Variants in ZNF804B observed in about 807,000 individuals in gnomAD.
ZNF804B encodes zinc finger protein 804B.
In ZNF804B, 80 loss-of-function variants were observed where a neutral mutation model predicts 101.4. That is an observed-to-expected ratio of 0.79 (90% CI 0.66 to 0.95). The LOEUF is 0.95. ZNF804B is among the 40% of genes least tolerant of loss of function. The pLI is 0.00. For missense variants in ZNF804B, 1,673 were observed against 1,561.9 expected (o/e 1.07, Z -1.20); for synonymous variants, 622 against 558.8 (o/e 1.11, Z -1.59).
rs562638882 is a variant in ZNF804B, at chr7:89,143,807, A to T, written c.109-74348A>T. Among the ~76,000 whole-genome samples, 3 of 152,142 alleles carry T rather than the reference A, an allele frequency of 2.0e-5. No individual in the cohort carries two copies. The South Asian group carries it at 6.2e-4, about 31-fold the overall frequency. On this transcript the variant is annotated intron_variant, in intron 1 of 3. Transcript: ENST00000333190. The stretch of plus-strand genomic sequence containing the variant: ...TAAGTATGAGTTTATTTAGGTACAA[A>T]AATGTTTAAAATGTATGCATAGTTT...
chr7:89,254,651 ATTT>A (rs111618806), intron 2 of ZNF804B, among the ~76,000 whole-genome samples: 1 of 117,558 alleles, frequency 8.5e-6, no homozygotes, highest in African/African-American at 3.3e-5. Flanking sequence ...TATTTTTATT[ATTT>A]TTTTTTTTTG....
At chr7:89,010,151 A>T (rs938368505) in intron 1 of ZNF804B, among the ~76,000 whole-genome samples, 3 of 152,212 alleles carry the variant, frequency 2.0e-5, no homozygotes, top group Non-Finnish European at 4.4e-5. Context: ...GAATAATAAA[A>T]GATAATAATA....
rs558059769 is a variant in ZNF804B, at chr7:88,782,904, A to C, written c.108+22820A>C. On this transcript the variant is annotated intron_variant, in intron 1 of 3. Transcript: ENST00000333190. The stretch of plus-strand genomic sequence containing the variant: ...TGTGTACAAGAGGACTCTTGGGGGA[A>C]GCATCATACTTATTTCAACTTAATA... Among the ~76,000 whole-genome samples, 10 of 152,262 alleles carry C rather than the reference A, an allele frequency of 6.6e-5. No individual in the cohort carries two copies. The East Asian group carries it at 1.5e-3, about 24-fold the overall frequency.
chr7:88,929,207 A>T (rs192354402), intron 1 of ZNF804B, among the ~76,000 whole-genome samples: 1 of 152,018 alleles, frequency 6.6e-6, no homozygotes, highest in Non-Finnish European at 1.5e-5. Context: ...AAGCCTCCTA[A>T]TTAGTATTAA....
At chr7:88,859,446 A>G (rs571474168) in intron 1 of ZNF804B, among the ~76,000 whole-genome samples, 1 of 152,174 alleles carries the variant, frequency 6.6e-6, no homozygotes, top group African/African-American at 2.4e-5. Flanking sequence ...AATTCAATCT[A>G]CTTTTATGTG....
chr7:89,270,221 C>A (rs1434488895), intron 2 of ZNF804B, among the ~76,000 whole-genome samples: 1 of 152,158 alleles, frequency 6.6e-6, no homozygotes, highest in Admixed American at 6.6e-5. Flanking sequence ...AGTCTTTAAT[C>A]CATCTTGAAT....
intron 1 of ZNF804B, among the ~76,000 whole-genome samples, chr7:88,919,434 G>A (rs963784238): frequency 3.9e-5 from 6 of 152,080 alleles, no homozygotes; most frequent in African/African-American, 1.4e-4. Flanking sequence ...TGATAAAGGA[G>A]CCTATACATT....
chr7:88,917,406 G>A (rs10231731), intron 1 of ZNF804B, among the ~76,000 whole-genome samples: 10,867 of 152,206 alleles, frequency 0.071, 498 homozygotes, highest in East Asian at 0.25. Context: ...TGAAACTAAT[G>A]AAGAATATGG....
intron 1 of ZNF804B, among the ~76,000 whole-genome samples, chr7:88,980,014 A>C (rs868437172): frequency 5.3e-5 from 8 of 150,234 alleles, no homozygotes; most frequent in Non-Finnish European, 8.9e-5. Context: ...ACTCCTATGC[A>C]TTCTTTAGTA....
intron 2 of ZNF804B, among the ~76,000 whole-genome samples, chr7:89,312,758 C>G (rs1327602217): frequency 2.0e-5 from 3 of 150,790 alleles, no homozygotes; most frequent in Non-Finnish European, 4.4e-5. Context: ...ACTAGGAAGG[C>G]TGAAGAAGGA....
At chr7:88,859,082 C>G (rs1791612405) in intron 1 of ZNF804B, among the ~76,000 whole-genome samples, 1 of 151,954 alleles carries the variant, frequency 6.6e-6, no homozygotes, top group Admixed American at 6.6e-5. Context: ...GGACCTCTGT[C>G]TAATGAGCAT....
intron 1 of ZNF804B, among the ~76,000 whole-genome samples, chr7:88,947,438 T>C (rs1793152669): frequency 6.6e-6 from 1 of 151,740 alleles, no homozygotes; most frequent in African/African-American, 2.4e-5. Flanking sequence ...CACTGCATGT[T>C]CTCACTCATA....
chr7:88,929,707 A>G (rs529090166), intron 1 of ZNF804B, among the ~76,000 whole-genome samples: 140 of 152,072 alleles, frequency 9.2e-4, no homozygotes, highest in Middle Eastern at 6.8e-3. Flanking sequence ...TTTGAACAAC[A>G]ACAACAAAAA....
At chr7:89,316,911 TC>T (rs1456660743) in intron 2 of ZNF804B, among the ~76,000 whole-genome samples, 1 of 152,146 alleles carries the variant, frequency 6.6e-6, no homozygotes, top group Admixed American at 6.5e-5. Context: ...AGGAAAACCC[TC>T]CCACATTCTG....
chr7:88,826,639 TCTTTATTTTATAGC>T (rs1292343853), intron 1 of ZNF804B, among the ~76,000 whole-genome samples: 21 of 46,738 alleles, frequency 4.5e-4, no homozygotes, highest in African/African-American at 2.3e-3. Flanking sequence ...TTCCAAAGCA[TCTTTATTTTATAGC>T]AGTATTTTTA....
At chr7:88,884,031 T>A (rs952300048) in intron 1 of ZNF804B, among the ~76,000 whole-genome samples, 1 of 152,022 alleles carries the variant, frequency 6.6e-6, no homozygotes, top group Admixed American at 6.6e-5. Flanking sequence ...GAGATCCTAA[T>A]GAAGGCAGAT....
chr7:89,216,771 A>G (rs1400579437), intron 1 of ZNF804B, among the ~76,000 whole-genome samples: 1 of 152,192 alleles, frequency 6.6e-6, no homozygotes, highest in Non-Finnish European at 1.5e-5. Context: ...ATTTCTGCTT[A>G]CTTTCTTTTC....
At chr7:88,988,049 C>A (rs567567613) in intron 1 of ZNF804B, among the ~76,000 whole-genome samples, 241 of 151,692 alleles carry the variant, frequency 1.6e-3, no homozygotes, top group South Asian at 3.3e-3. Context: ...TCTTTAGCTC[C>A]CATTTAAGAA....
At position 89,333,974 on chromosome 7, in the gene ZNF804B, T is replaced by A. The variant is rs1371143400; in HGVS notation, c.992T>A (p.Leu331His). 1 of 1,613,576 alleles carries A rather than the reference T, an allele frequency of 6.2e-7. No individual in the cohort carries two copies. ...HASFSKSNIH[L>H]SDVDFTPTSR... ...TCATTCTCTAAATCTAACATTCATCTTTCAGATGTAGATTTTACTCCTACC... is the reference window on the plus strand; with the variant it reads ...TCATTCTCTAAATCTAACATTCATCATTCAGATGTAGATTTTACTCCTACC... The change falls in exon 4 of 4, where the codon CTT becomes CAT. Residue 331 changes from leucine to histidine, a missense_variant. Leu to His is a moderately conservative substitution (Grantham distance 99). Transcript: ENST00000333190.
Sources: allele counts gnomAD v4.1 joint callset (sites outside exome capture counted in the v4.1 genomes callset), GRCh38; gene constraint gnomAD v4.1.1; transcripts MANE v1.5; gene names NCBI Gene and HGNC (gene_info 2026-07-23, HGNC 2026-07-21).